The following LRRC37A2 variants were observed in gnomAD, a reference collection of about 807,000 sequenced individuals.
LRRC37A2 encodes leucine rich repeat containing 37 member A2, also known as leucine-rich repeat-containing protein 37A2.
In LRRC37A2, 9 loss-of-function variants were observed where a neutral mutation model predicts 68.8. The ratio of observed to expected loss-of-function variants is 0.13; its 90% CI spans 0.08 to 0.23. LRRC37A2 has a LOEUF of 0.23. LRRC37A2 is among the 10% of genes least tolerant of loss of function. The pLI is 1.00. For synonymous variants in LRRC37A2, 63 were observed against 367.6 expected, an observed-to-expected ratio of 0.17 and a Z score of 9.48; for missense variants, 168 against 950.4, an observed-to-expected ratio of 0.18 and a Z score of 10.82.
At chr17:46,796,306 A>C in the LRRC37A2 span, among the ~76,000 whole-genome samples, 1 of 152,356 alleles carries the variant, frequency 6.6e-6, no homozygotes, top group Non-Finnish European at 1.5e-5. Context: ...CCATTGTCAT[A>C]GTGCTAATAA....
the LRRC37A2 span, among the ~76,000 whole-genome samples, chr17:46,788,761 CTCCCTGCCTCCTT>C: frequency 1.3e-5 from 2 of 151,222 alleles, no homozygotes; most frequent in African/African-American, 4.9e-5. Flanking sequence ...CTGCGAGGAC[CTCCCTGCCTCCTT>C]TCCCTGCCCT....
chr17:46,712,160 A>T, the LRRC37A2 span, among the ~76,000 whole-genome samples: 4 of 152,198 alleles, frequency 2.6e-5, no homozygotes, highest in Non-Finnish European at 5.9e-5. Context: ...TGTGGTTTGA[A>T]GTATGTGGAG....
chr17:46,875,474 G>A, the LRRC37A2 span: 34 of 1,378,534 alleles, frequency 2.5e-5, no homozygotes, highest in South Asian at 1.4e-4. Context: ...ATGAAGAGCC[G>A]TGAACTTCAT....
At chr17:46,813,497 C>T in the LRRC37A2 span, among the ~76,000 whole-genome samples, 1 of 151,044 alleles carries the variant, frequency 6.6e-6, no homozygotes. Context: ...GCTAGGCATA[C>T]CTCCTCCCTG....
the LRRC37A2 span, chr17:46,978,999 C>A: frequency 2.1e-6 from 3 of 1,413,300 alleles, no homozygotes; most frequent in Admixed American, 3.6e-5. Context: ...TCAGGAAGGT[C>A]GCGTTCATCG....
the LRRC37A2 span, chr17:46,773,623 T>TGCCCCCCC: frequency 5.2e-5 from 20 of 383,492 alleles, no homozygotes; most frequent in Non-Finnish European, 1.0e-4. Flanking sequence ...TCCTGATCCC[T>TGCCCCCCC]CCCCCCACCC....
the LRRC37A2 span, among the ~76,000 whole-genome samples, chr17:46,843,438 A>G: frequency 2.0e-5 from 3 of 149,912 alleles, no homozygotes; most frequent in African/African-American, 2.4e-5. Context: ...GAAGGACTGA[A>G]AAAAAAAATC....
At chr17:46,548,794 A>G in exon 10 of LRRC37A2, 1 of 1,611,900 alleles carries the variant, frequency 6.2e-7, no homozygotes, top group Non-Finnish European at 8.5e-7. Flanking sequence ...ACAGCCCCAC[A>G]CACAGCAGGG....
rs749671782 is a variant in LRRC37A2, at chr17:46,517,210, G to C, written c.2610-152G>C. 4 of 801,366 alleles carry C rather than the reference G, an allele frequency of 5.0e-6. 2 individuals are homozygous for C. In the African/African-American group the frequency reaches 6.8e-5, roughly 14 times the overall value. 49.6% of individuals were successfully genotyped at this position (801,366 alleles called of 1,614,324 possible). A position where few individuals can be genotyped will look rare whatever the true frequency, so the allele number is the denominator to read the frequency against. On this transcript the variant is annotated intron_variant, in intron 2 of 14. Transcript: ENST00000576629. The stretch of plus-strand genomic sequence containing the variant: ...ACCCCGCATAATTTCTTGATGAATT[G>C]TGCAAACTGGGAAGCTGATAGCTCT...
chr17:46,527,404 G>T (rs2052916056), intron 6 of LRRC37A2, among the ~76,000 whole-genome samples: 1 of 79,070 alleles, frequency 1.3e-5, no homozygotes, highest in Non-Finnish European at 2.9e-5. Flanking sequence ...ATCATGTTTT[G>T]GTATGTACTG....
the LRRC37A2 span, chr17:46,876,262 C>T: frequency 6.2e-7 from 1 of 1,611,178 alleles, no homozygotes; most frequent in Admixed American, 1.7e-5. Context: ...AGAGTGGCCT[C>T]AGGACCACGT....
At chr17:46,934,034 C>T in the LRRC37A2 span, among the ~76,000 whole-genome samples, 4 of 152,156 alleles carry the variant, frequency 2.6e-5, no homozygotes, top group East Asian at 3.9e-4. Flanking sequence ...TCACAGCTGG[C>T]GAGGACTTGG....
the LRRC37A2 span, among the ~76,000 whole-genome samples, chr17:46,498,354 A>G: frequency 6.6e-6 from 1 of 150,790 alleles, no homozygotes; most frequent in Non-Finnish European, 1.5e-5. Flanking sequence ...AGGAGTTATA[A>G]AAGTTTAGGT....
the LRRC37A2 span, among the ~76,000 whole-genome samples, chr17:46,944,277 C>G: frequency 6.6e-6 from 1 of 152,238 alleles, no homozygotes; most frequent in African/African-American, 2.4e-5. Context: ...TTACAGCGGC[C>G]GGAGGCTGTG....
the LRRC37A2 span, among the ~76,000 whole-genome samples, chr17:46,809,902 T>A: frequency 6.6e-6 from 1 of 152,056 alleles, no homozygotes; most frequent in Non-Finnish European, 1.5e-5. Context: ...CTGCTGGAAA[T>A]ATCAACTCCT....
chr17:46,716,825 T>C, the LRRC37A2 span, among the ~76,000 whole-genome samples: 16 of 152,298 alleles, frequency 1.1e-4, 1 homozygote, highest in Middle Eastern at 0.01. Flanking sequence ...CCCCCTCCCT[T>C]ATATATTGGG....
At chr17:46,866,974 C>T in the LRRC37A2 span, among the ~76,000 whole-genome samples, 1 of 152,222 alleles carries the variant, frequency 6.6e-6, no homozygotes. Context: ...CTTGCCTCCT[C>T]CTCACCCCCA....
chr17:46,710,964 C>T, the LRRC37A2 span: 1 of 1,588,268 alleles, frequency 6.3e-7, no homozygotes, highest in Non-Finnish European at 8.5e-7. Context: ...TCTTAATAGG[C>T]CTTTGGCACA....
the LRRC37A2 span, among the ~76,000 whole-genome samples, chr17:46,709,151 G>GTCC: frequency 1.3e-5 from 2 of 151,992 alleles, no homozygotes; most frequent in African/African-American, 4.8e-5. Context: ...ATAATTATTT[G>GTCC]TTCCAAGTAT....
Sources: gnomAD v4.1 joint callset for allele counts (sites outside exome capture counted in the v4.1 genomes callset) on GRCh38, gnomAD v4.1.1 for gene constraint, MANE v1.5 for transcripts, NCBI Gene and HGNC (gene_info 2026-07-23, HGNC 2026-07-21) for gene names.